NECAB2: variants seen among roughly 807,000 people sequenced by gnomAD.
The protein encoded by NECAB2 is N-terminal EF-hand calcium binding protein 2.
Under a neutral mutation model 51.9 loss-of-function variants are expected in NECAB2, and 68 were observed. The ratio of observed to expected loss-of-function variants is 1.31; its 90% confidence interval spans 1.08 to 1.60. The LOEUF is 1.60. NECAB2 is among the 40% of genes most tolerant of loss of function. The probability of loss-of-function intolerance (pLI) is 0.00; values close to 1 mark genes in which losing one functional copy is unlikely to be tolerated. For synonymous variants in NECAB2, 329 were observed against 203.5 expected, an observed-to-expected ratio of 1.62 and a Z score of -5.25; for missense variants, 854 against 490.3, an observed-to-expected ratio of 1.74 and a Z score of -7.00.
chr16:83,990,230 C>T (rs1044569845), intron 5 of NECAB2, among the ~76,000 whole-genome samples: 2 of 152,194 alleles, frequency 1.3e-5, no homozygotes, highest in African/African-American at 4.8e-5. Flanking sequence ...AAGATAGATG[C>T]TTCAGTGACC....
At chr16:83,999,738 C>T (rs2084783742) in intron 10 of NECAB2, among the ~76,000 whole-genome samples, 2 of 152,102 alleles carry the variant, frequency 1.3e-5, no homozygotes, top group South Asian at 2.1e-4. Flanking sequence ...GCCTGCAGCC[C>T]CTTCCTCTGT....
chr16:83,993,978 G>A (rs546320157), intron 6 of NECAB2, among the ~76,000 whole-genome samples: 8 of 152,186 alleles, frequency 5.3e-5, no homozygotes, highest in Non-Finnish European at 1.0e-4. Flanking sequence ...GTGCCCGAAA[G>A]CTTCGAGCTG....
At position 84,002,415 on chromosome 16, in the gene NECAB2, C is replaced by A. The variant is rs2084856844; in HGVS notation, c.*69C>A. The stretch of plus-strand genomic sequence containing the variant: ...CTTGTGAAGGAAATCCCGTTTTTTT[C>A]TAGACAGACACTTTGGTGCAGAAGC... On this transcript the variant is annotated 3_prime_UTR_variant, in exon 13 of 13. Transcript: ENST00000305202. 1.9e-6 allele frequency: 3 copies of A among 1,542,234 alleles called. No homozygotes were observed. The highest frequency in any genetic ancestry group is 1.7e-5 in the Admixed American group (1 of 59,888).
At chr16:83,978,340 C>T (rs1406758565) in intron 2 of NECAB2, 104 bp from the exon 3 acceptor site, 4 of 819,286 alleles carry the variant, frequency 4.9e-6, no homozygotes, top group East Asian at 2.5e-5. Context: ...TGCAGTTGTT[C>T]TGTCAGTCAG....
upstream of NECAB2, chr16:83,965,746 G>A: frequency 6.2e-7 from 1 of 1,613,582 alleles, no homozygotes; most frequent in East Asian, 2.2e-5. Flanking sequence ...GGGTCTCCCT[G>A]GTGCTGGTCC....
chr16:83,987,152 G>T (rs563338774), intron 5 of NECAB2, among the ~76,000 whole-genome samples: 3 of 152,190 alleles, frequency 2.0e-5, no homozygotes, highest in South Asian at 2.1e-4. Flanking sequence ...CCTGAATAAG[G>T]AAAGACTTAG....
rs1035561430 is a variant in NECAB2 at position 83,995,862 on chromosome 16, T to C, written c.795+1174T>C. Among the ~76,000 whole-genome samples, 7 of 152,134 alleles carry C rather than the reference T, an allele frequency of 4.6e-5. No homozygotes were observed. The East Asian group carries it at 1.4e-3, about 29-fold the overall frequency. On this transcript the variant is annotated intron_variant, in intron 8 of 12. Transcript: ENST00000305202. ...TCCTGAAGCCAGCTGCGGGAGCGGC[T>C]CGGAGGGGACCCCGTGGCCCGGTTG...
chr16:83,965,265 C>T (rs575549265), upstream of NECAB2: 10 of 1,608,858 alleles, frequency 6.2e-6, no homozygotes, highest in South Asian at 9.9e-5. Flanking sequence ...AGGAACCAGG[C>T]CCAGCAGCCC....
chr16:84,001,611 T>G (rs9927612), intron 11 of NECAB2, among the ~76,000 whole-genome samples: 139 of 152,002 alleles, frequency 9.1e-4, no homozygotes, highest in Non-Finnish European at 1.5e-3. Context: ...CGCTGCCCAT[T>G]TATAGCTCAC....
At chr16:83,989,506 C>A (rs2084595215) in intron 5 of NECAB2, among the ~76,000 whole-genome samples, 1 of 152,130 alleles carries the variant, frequency 6.6e-6, no homozygotes, top group Admixed American at 6.5e-5. Context: ...CCCTGTTTTT[C>A]CTTGCCTTGC....
At chr16:83,999,145 C>T (rs1025841568) in intron 10 of NECAB2, among the ~76,000 whole-genome samples, 3 of 152,190 alleles carry the variant, frequency 2.0e-5, no homozygotes, top group African/African-American at 7.2e-5. Context: ...CCCCTGTGCA[C>T]TGAGGCTTGA....
intron 10 of NECAB2, among the ~76,000 whole-genome samples, chr16:84,000,350 C>G (rs1294211919): frequency 6.6e-6 from 1 of 151,938 alleles, no homozygotes; most frequent in Non-Finnish European, 1.5e-5. Context: ...GGGAACATAG[C>G]AAGACCCCAT....
In NECAB2 at chr16:83,972,142, T is replaced by C; in HGVS notation, c.202-9T>C. 2.5e-6 allele frequency: 4 copies of C among 1,613,324 alleles called. No homozygotes were observed. Among genetic ancestry groups the C allele is most frequent in the Non-Finnish European group, 3.4e-6 (4 of 1,180,002 alleles). ...GGCCCAGGGCTGACTCCGCCTCTCT[T>C]TTCTGCAGATTTTCCGCCGTGCGGA... On this transcript the variant is annotated splice_polypyrimidine_tract_variant and intron_variant, in intron 1 of 12. Coordinates refer to ENST00000305202, the MANE Select transcript of NECAB2 (RefSeq NM_019065.3).
intron 7 of NECAB2, 88 bp downstream of exon 7, chr16:83,994,508 G>A (rs895215540): frequency 9.4e-6 from 15 of 1,595,186 alleles, no homozygotes; most frequent in Middle Eastern, 3.3e-4. Flanking sequence ...GGGGAGATGA[G>A]CAAGTTTGAT....
intron 11 of NECAB2, 138 bp downstream of exon 11, chr16:84,000,939 A>C (rs546599583): frequency 2.5e-6 from 2 of 808,718 alleles, no homozygotes; most frequent in East Asian, 2.6e-5. Flanking sequence ...ACCCGCTGGC[A>C]TGCTTGCGTC....
chr16:83,988,161 C>G (rs982881380), intron 5 of NECAB2, among the ~76,000 whole-genome samples: 3 of 152,212 alleles, frequency 2.0e-5, no homozygotes, highest in Non-Finnish European at 2.9e-5. Flanking sequence ...AGATCTGGGA[C>G]TTTGTCTTTA....
intron 5 of NECAB2, among the ~76,000 whole-genome samples, 185 bp from the exon 6 acceptor site, chr16:83,990,309 C>G (rs1055626739): frequency 6.6e-6 from 1 of 152,176 alleles, no homozygotes; most frequent in Non-Finnish European, 1.5e-5. Flanking sequence ...GTCTCTAAAC[C>G]TCTAGCCTCT....
intron 6 of NECAB2, among the ~76,000 whole-genome samples, chr16:83,991,172 G>T (rs1439763697): frequency 6.6e-6 from 1 of 151,818 alleles, no homozygotes; most frequent in East Asian, 2.0e-4. Flanking sequence ...TAGTAGAGAC[G>T]GGGTTTTGTC....
At chr16:83,975,039 T>TGTGG (rs2084391671) in intron 2 of NECAB2, among the ~76,000 whole-genome samples, 1 of 42,568 alleles carries the variant, frequency 2.3e-5, no homozygotes, top group East Asian at 6.9e-4. Context: ...TGCAGGGAGG[T>TGTGG]GTGCAGGGAT....
Sources: gnomAD v4.1 joint callset for allele counts (sites outside exome capture counted in the v4.1 genomes callset) on GRCh38, gnomAD v4.1.1 for gene constraint, MANE v1.5 for transcripts, NCBI Gene and HGNC (gene_info 2026-07-23, HGNC 2026-07-21) for gene names.